The following DST variants were observed in gnomAD, a reference collection of about 807,000 sequenced individuals.
DST encodes bullous pemphigoid antigen.
A neutral mutation model predicts 875.2 loss-of-function variants in DST; 253 were observed. That is an observed-to-expected ratio of 0.29 (90% CI 0.26 to 0.32). The LOEUF (loss-of-function observed/expected upper bound fraction) is 0.32. Among genes scored for constraint, DST ranks in the 10% least tolerant of loss-of-function variants. DST has a pLI of 1.00. For synonymous variants in DST, 3,124 were observed against 3,197.1 expected (o/e 0.98, Z 0.77); for missense variants, 8,287 against 9,111.6 (o/e 0.91, Z 3.68).
Position 56,511,185 on chromosome 6 carries a change from G to A in DST, c.18780+12C>T, listed in dbSNP as rs1279838074. 1.3e-6 allele frequency: 2 copies of A among 1,566,132 alleles called. No individual in the cohort carries two copies. Among genetic ancestry groups the A allele is most frequent in the Non-Finnish European group, 1.7e-6 (2 of 1,153,404 alleles). Reference sequence around the variant, plus strand: ...GCAAGAACCCAATTCTATATCTAGTGTAAACAATTACCTGAGTTGATTGAG... The same window carrying A: ...GCAAGAACCCAATTCTATATCTAGTATAAACAATTACCTGAGTTGATTGAG... On this transcript the variant is annotated intron_variant, in intron 73 of 103. Coordinates refer to ENST00000680361, the MANE Select transcript of DST (RefSeq NM_001374736.1).
chr6:56,481,668 G>A (rs1304280589), intron 90 of DST, among the ~76,000 whole-genome samples: 1 of 152,064 alleles, frequency 6.6e-6, no homozygotes, highest in Non-Finnish European at 1.5e-5. Flanking sequence ...CAATCCTACG[G>A]GTATAATTTT....
At chr6:56,825,342 C>A (rs866594770) in intron 4 of DST, among the ~76,000 whole-genome samples, 2 of 148,338 alleles carry the variant, frequency 1.3e-5, no homozygotes, top group African/African-American at 2.5e-5. Context: ...ATCTCAAGTA[C>A]CCAGGGACAC....
At chr6:56,840,530 G>C (rs567774895) in intron 4 of DST, among the ~76,000 whole-genome samples, 1 of 152,082 alleles carries the variant, frequency 6.6e-6, no homozygotes, top group African/African-American at 2.4e-5. Context: ...ACAAGTAACA[G>C]GACTCGAATA....
intron 3 of DST, among the ~76,000 whole-genome samples, chr6:56,869,822 C>A (rs1025596203): frequency 6.6e-6 from 1 of 152,214 alleles, no homozygotes; most frequent in African/African-American, 2.4e-5. Flanking sequence ...GTAGCCGAGA[C>A]TACAGGCAGG....
chr6:56,458,822 C>T lies in DST; in HGVS notation c.*183G>A. ...CCTCACATATGATGTGACTTTAACC[C>T]CAGAATATCTGACAAAAAAAATTAT... On this transcript the variant is annotated 3_prime_UTR_variant, in exon 104 of 104. Transcript: ENST00000680361. 1 of 636,136 alleles carries T rather than the reference C, an allele frequency of 1.6e-6. No individual in the cohort carries two copies. The highest frequency in any genetic ancestry group is 3.5e-5 in the Admixed American group (1 of 28,688). 39.4% of individuals were successfully genotyped at this position (636,136 alleles called of 1,614,324 possible). A position where few individuals can be genotyped will look rare whatever the true frequency, so the allele number is the denominator to read the frequency against.
intron 15 of DST, among the ~76,000 whole-genome samples, chr6:56,644,807 C>T (rs1031620045): frequency 6.6e-6 from 1 of 152,146 alleles, no homozygotes; most frequent in Admixed American, 6.5e-5. Flanking sequence ...GCCACACAGG[C>T]CTTACCCTGT....
intron 9 of DST, among the ~76,000 whole-genome samples, chr6:56,684,309 T>G (rs1249130666): frequency 6.6e-6 from 1 of 152,252 alleles, no homozygotes; most frequent in Non-Finnish European, 1.5e-5. Context: ...ATTTTTATTT[T>G]TAAACATTTT....
At chr6:56,874,187 A>C (rs953195393) in intron 3 of DST, among the ~76,000 whole-genome samples, 41 of 152,268 alleles carry the variant, frequency 2.7e-4, no homozygotes, top group African/African-American at 9.6e-4. Context: ...AAAAATTAAA[A>C]ACAAAGTTGC....
intron 2 of DST, among the ~76,000 whole-genome samples, chr6:56,944,934 T>C (rs1818673196): frequency 6.6e-6 from 1 of 152,220 alleles, no homozygotes; most frequent in South Asian, 2.1e-4. Context: ...TGGCTGGCTC[T>C]GCCCCTTCCC....
chr6:56,851,423 G>A lies in DST; in HGVS notation c.599C>T (p.Ala200Val), dbSNP rs1360003918. 16 of 1,613,382 alleles carry A rather than the reference G, an allele frequency of 9.9e-6. No homozygotes were observed. Among genetic ancestry groups the A allele is most frequent in the Non-Finnish European group, 1.4e-5 (16 of 1,179,874 alleles). Residue 200 changes from alanine to valine, a missense_variant, in exon 4 of 104, where the codon GCC becomes GTC. Physicochemically the swap from Ala to Val is moderately conservative, Grantham distance 64. This residue lies in a region of DST where 1,160 missense variants were observed against 1,424.3 expected (regional missense o/e 0.81). Coordinates refer to ENST00000680361, the MANE Select transcript of DST (RefSeq NM_001374736.1). ...KIQGGSVLDP[A>V]ERAVLRIADE... Reference sequence around the variant, plus strand: ...TGCTATCCGAAGCACTGCCCTCTCGGCAGGGTCCAGCACTGAGCCCCCTTG... The same window carrying A: ...TGCTATCCGAAGCACTGCCCTCTCGACAGGGTCCAGCACTGAGCCCCCTTG...
At chr6:56,739,636 G>A (rs1158956117) in intron 4 of DST, among the ~76,000 whole-genome samples, 1 of 152,076 alleles carries the variant, frequency 6.6e-6, no homozygotes, top group Non-Finnish European at 1.5e-5. Flanking sequence ...CAAGATACAG[G>A]TCATAAAGAC....
Position 56,639,789 on chromosome 6 carries a change from A to T in DST, c.2620-16T>A. On this transcript the variant is annotated splice_polypyrimidine_tract_variant and intron_variant, in intron 19 of 103. Transcript: ENST00000680361. ...TCATTTGAATCTATAACATGAGATT[A>T]AAAAGACACTCCAGTCAGGAATCTG... 1 of 1,608,664 alleles carries T rather than the reference A, an allele frequency of 6.2e-7. No homozygotes were observed. Among genetic ancestry groups the T allele is most frequent in the Admixed American group, 1.7e-5 (1 of 60,014 alleles).
intron 4 of DST, among the ~76,000 whole-genome samples, chr6:56,772,511 C>A (rs568238919): frequency 6.6e-6 from 1 of 152,130 alleles, no homozygotes; most frequent in South Asian, 2.1e-4. Context: ...CATTATCTTT[C>A]GGGATCCCAA....
rs532091750 is a variant in DST, at chr6:56,635,831, A to T, written c.3061-117T>A. 2.9e-5 allele frequency: 30 copies of T among 1,034,950 alleles called. No individual in the cohort carries two copies. The South Asian group carries it at 3.9e-4, about 14-fold the overall frequency. The allele number at this position is 1,034,950 out of a possible 1,614,324, so 64.1% of individuals were successfully genotyped here. On this transcript the variant is annotated intron_variant, in intron 23 of 103. Transcript: ENST00000680361. The stretch of plus-strand genomic sequence containing the variant: ...CCCTCATAAGTGAGAAGAGAATAAA[A>T]GCACAAGATAGCTTAATAGTCACAT...
intron 86 of DST, among the ~76,000 whole-genome samples, chr6:56,488,167 C>A (rs942210563): frequency 6.6e-6 from 1 of 151,880 alleles, no homozygotes; most frequent in Non-Finnish European, 1.5e-5. Context: ...AAACAGAATG[C>A]CAGTGTTATA....
chr6:56,616,595 ACT>A, intron 36 of DST: 5 of 1,613,960 alleles, frequency 3.1e-6, no homozygotes, highest in Non-Finnish European at 4.2e-6. Flanking sequence ...ATTAGGGAAA[ACT>A]CTTGTGTTGC....
chr6:56,907,478 T>C (rs557198165), intron 2 of DST, among the ~76,000 whole-genome samples: 1 of 152,332 alleles, frequency 6.6e-6, no homozygotes, highest in Non-Finnish European at 1.5e-5. Context: ...ATATACACCC[T>C]GCAGAAACAA....
chr6:56,573,882 T>C lies in DST; in HGVS notation c.13033A>G (p.Ile4345Val), dbSNP rs770482907. 5 of 1,611,178 alleles carry C rather than the reference T, an allele frequency of 3.1e-6. No individual in the cohort carries two copies. Among genetic ancestry groups the C allele is most frequent in the East Asian group, 2.2e-5 (1 of 44,792 alleles). ...GACAGATCCTCATATCTCCCAACAATGTCATCTACTCCAAACAGATCAGGA... is the reference window on the plus strand; with the variant it reads ...GACAGATCCTCATATCTCCCAACAACGTCATCTACTCCAAACAGATCAGGA... ...KNDIQKTLDD[I>V]VGRYEDLSKS... is the part of the protein sequence containing the mutation. Residue 4345 changes from isoleucine (I) to valine (V), a missense_variant, in exon 51 of 104, where the codon ATT becomes GTT. By Grantham distance (29) the Ile-to-Val change is conservative. Around this residue, in one of 10 missense-constraint regions of DST, gnomAD observed 1,513 missense variants for 1,677.8 expected, o/e 0.90. Transcript: ENST00000680361.
chr6:56,726,289 T>A (rs1361828985), intron 5 of DST, among the ~76,000 whole-genome samples: 7 of 152,200 alleles, frequency 4.6e-5, no homozygotes, highest in Non-Finnish European at 8.8e-5. Flanking sequence ...AGTCCCTCTG[T>A]CAGACTAAAA....
Sources: gnomAD v4.1 joint callset for allele counts (sites outside exome capture counted in the v4.1 genomes callset) on GRCh38, gnomAD v4.1.1 for gene constraint, gnomAD v4.1.1 regional missense constraint, MANE v1.5 for transcripts, NCBI Gene and HGNC (gene_info 2026-07-23, HGNC 2026-07-21) for gene names.